Variants in CLEC2A observed in about 807,000 individuals in gnomAD.
The protein encoded by CLEC2A is C-type lectin domain family 2 member A, also known as keratinocyte-associated C-type lectin.
CLEC2A carries 19 observed loss-of-function variants against 18.6 expected under a neutral mutation model. The ratio of observed to expected loss-of-function variants is 1.02; its 90% CI spans 0.71 to 1.50. CLEC2A has a LOEUF of 1.50. Among genes scored for constraint, CLEC2A ranks in the 40% most tolerant of loss-of-function variants. The pLI, the probability that CLEC2A is intolerant of heterozygous loss-of-function variation, is 0.00. For synonymous variants in CLEC2A, 74 were observed against 64.0 expected, an observed-to-expected ratio of 1.16 and a Z score of -0.75; for missense variants, 190 against 207.9, an observed-to-expected ratio of 0.91 and a Z score of 0.53.
At chr12:9,910,078 A>G (rs1028172728), downstream of CLEC2A, among the ~76,000 whole-genome samples, 2 of 152,212 alleles carry the variant, frequency 1.3e-5, no homozygotes, top group Non-Finnish European at 1.5e-5. Flanking sequence ...TGTCATTAAT[A>G]TGTTCCATTA....
the CLEC2A span, among the ~76,000 whole-genome samples, chr12:9,883,449 T>C: frequency 6.6e-6 from 1 of 152,246 alleles, no homozygotes; most frequent in East Asian, 1.9e-4. Flanking sequence ...CTTGATATAG[T>C]ATGTAAATCA....
At chr12:9,893,265 C>T in the CLEC2A span, 4 of 1,176,388 alleles carry the variant, frequency 3.4e-6, no homozygotes, top group Non-Finnish European at 4.7e-6. Context: ...GTCGTTGCTT[C>T]TGAACATGTG....
At chr12:9,896,373 T>C (rs1217832924), downstream of CLEC2A, among the ~76,000 whole-genome samples, 2 of 151,970 alleles carry the variant, frequency 1.3e-5, no homozygotes, top group Non-Finnish European at 2.9e-5. Flanking sequence ...CTTTGTGATA[T>C]ATCCATGTAA....
intron 4 of CLEC2A, among the ~76,000 whole-genome samples, chr12:9,915,405 A>C (rs189630786): frequency 1.7e-4 from 26 of 152,318 alleles, no homozygotes; most frequent in African/African-American, 6.3e-4. Flanking sequence ...ATGCACACAT[A>C]TGTTTATTGC....
At chr12:9,928,023 C>T (rs75695887) in intron 1 of CLEC2A, among the ~76,000 whole-genome samples, 1,581 of 151,964 alleles carry the variant, frequency 0.01, 23 homozygotes, top group African/African-American at 0.036. Flanking sequence ...TTATTTAAGA[C>T]GTATTATTGA....
At chr12:9,900,245 C>T (rs1003121008) in intron 4 of CLEC2A, among the ~76,000 whole-genome samples, 9 of 152,198 alleles carry the variant, frequency 5.9e-5, no homozygotes, top group African/African-American at 2.2e-4. Flanking sequence ...TTTCACGTTA[C>T]CCATCCCTCT....
At chr12:9,882,870 A>G in the CLEC2A span, among the ~76,000 whole-genome samples, 1 of 152,166 alleles carries the variant, frequency 6.6e-6, no homozygotes, top group Non-Finnish European at 1.5e-5. Context: ...TTAAATCTCA[A>G]TACTTTGATA....
At position 9,899,102 on chromosome 12, in the gene CLEC2A, G is replaced by C. The variant is rs796336746; in HGVS notation, c.411-126C>G. The C allele has an allele frequency of 3.5e-5, 19 of 536,404 alleles. 1 individual carries two copies. The highest frequency in any genetic ancestry group is 9.0e-4 in the Middle Eastern group (2 of 2,218). The allele number at this position is 536,404 out of a possible 1,614,324, so 33.2% of individuals were successfully genotyped here. On this transcript the variant is annotated intron_variant, in intron 4 of 4. Coordinates refer to the CLEC2A transcript ENST00000339766. Reference sequence around the variant, plus strand: ...TTATCAGTTTGCACAGGGAGAGGCAGGCGAAAAGCCCTACTAGTAAAAAAA... The same window carrying C: ...TTATCAGTTTGCACAGGGAGAGGCACGCGAAAAGCCCTACTAGTAAAAAAA...
At chr12:9,916,566 T>C in intron 4 of CLEC2A, 134 bp downstream of exon 4, 3 of 663,826 alleles carry the variant, frequency 4.5e-6, no homozygotes, top group Non-Finnish European at 8.0e-6. Context: ...GCATATGTCA[T>C]CGATTGGAGA....
At chr12:9,911,298 G>C (rs1458959995), downstream of CLEC2A, among the ~76,000 whole-genome samples, 1 of 152,168 alleles carries the variant, frequency 6.6e-6, no homozygotes, top group African/African-American at 2.4e-5. Flanking sequence ...GCAAGAGCAG[G>C]AGGGCTGTTT....
At chr12:9,919,634 C>T (rs954826517) in intron 3 of CLEC2A, among the ~76,000 whole-genome samples, 2 of 152,202 alleles carry the variant, frequency 1.3e-5, no homozygotes, top group African/African-American at 4.8e-5. Context: ...CTGGAGGACC[C>T]TCCTGGTGAG....
At chr12:9,881,596 A>T in the CLEC2A span, 1 of 1,529,632 alleles carries the variant, frequency 6.5e-7, no homozygotes, top group African/African-American at 1.4e-5. Flanking sequence ...ATTTGAAGAG[A>T]TGGAGAATGA....
At chr12:9,931,600 A>G (rs1052685811) in intron 1 of CLEC2A, among the ~76,000 whole-genome samples, 4 of 152,150 alleles carry the variant, frequency 2.6e-5, no homozygotes, top group Non-Finnish European at 4.4e-5. Flanking sequence ...AATTATCCCA[A>G]TTGCCCTGGG....
intron 2 of CLEC2A, among the ~76,000 whole-genome samples, 165 bp downstream of exon 2, chr12:9,926,095 G>T (rs1162990669): frequency 6.6e-6 from 1 of 152,134 alleles, no homozygotes; most frequent in Non-Finnish European, 1.5e-5. Context: ...TGGGGGAGAG[G>T]CAAGGATTAT....
intron 3 of CLEC2A, among the ~76,000 whole-genome samples, chr12:9,921,038 C>T (rs1490691085): frequency 4.6e-5 from 7 of 152,142 alleles, no homozygotes. Context: ...GGGTTCAAAT[C>T]CCAGCCCAAC....
chr12:9,905,350 G>T lies in CLEC2A; in HGVS notation c.411-6374C>A, dbSNP rs1355761117. Among the ~76,000 whole-genome samples the T allele has an allele frequency of 2.0e-5, 3 of 152,152 alleles. No individual in the cohort carries two copies. The East Asian group carries it at 5.8e-4, about 29-fold the overall frequency. ...CTTTTGATGAGAACGTGATCCCTAG[G>T]CTGGTGCTGATGTGCAGGGAACACC... On this transcript the variant is annotated intron_variant, in intron 4 of 4. Coordinates refer to the CLEC2A transcript ENST00000339766.
At chr12:9,905,171 G>T (rs77051076) in intron 4 of CLEC2A, among the ~76,000 whole-genome samples, 10 of 152,312 alleles carry the variant, frequency 6.6e-5, no homozygotes, top group Admixed American at 2.0e-4. Flanking sequence ...AGGGTAGGCC[G>T]TAGGATAACG....
intron 4 of CLEC2A, among the ~76,000 whole-genome samples, chr12:9,901,021 G>A (rs943783129): frequency 1.3e-5 from 2 of 152,106 alleles, no homozygotes; most frequent in Admixed American, 6.6e-5. Flanking sequence ...GATTACAGGA[G>A]TATACACCTT....
chr12:9,901,236 A>G (rs1036429635), intron 4 of CLEC2A, among the ~76,000 whole-genome samples: 1 of 152,208 alleles, frequency 6.6e-6, no homozygotes, highest in Non-Finnish European at 1.5e-5. Flanking sequence ...TTCCAATGTC[A>G]CAATCTCTAA....
Sources: allele counts gnomAD v4.1 joint callset (sites outside exome capture counted in the v4.1 genomes callset), GRCh38; gene constraint gnomAD v4.1.1; transcripts MANE v1.5; gene names NCBI Gene and HGNC (gene_info 2026-07-23, HGNC 2026-07-21).